The following FOXN2 variants were observed in gnomAD, a reference collection of about 807,000 sequenced individuals.
The protein encoded by FOXN2 is forkhead box N2, also known as forkhead box protein N2.
Under a neutral mutation model 41.2 loss-of-function variants are expected in FOXN2, and 19 were observed. The ratio of observed to expected loss-of-function variants is 0.46; its 90% confidence interval spans 0.32 to 0.68. The LOEUF (loss-of-function observed/expected upper bound fraction) is 0.68. Among genes scored for constraint, FOXN2 ranks in the 30% least tolerant of loss-of-function variants. The pLI, the probability that FOXN2 is intolerant of heterozygous loss-of-function variation, is 0.03. For missense variants in FOXN2, 587 were observed against 509.4 expected (o/e 1.15, Z -1.47); for synonymous variants, 195 against 176.8 (o/e 1.10, Z -0.82).
rs375296066 is a variant in FOXN2, at chr2:48,362,614, G to T, written c.639-29G>T. ...AAAAGTGAAGTAAACATTTTTATAA[G>T]CATATTTGCTTTTCTGTTTGTTTTT... On this transcript the variant is annotated intron_variant, in intron 4 of 6. Coordinates refer to ENST00000340553, the MANE Select transcript of FOXN2 (RefSeq NM_002158.4). The T allele has an allele frequency of 3.8e-6, 6 of 1,591,996 alleles. No individual in the cohort carries two copies. The African/African-American group carries it at 8.1e-5, about 21-fold the overall frequency.
At chr2:48,354,330 G>A (rs1338994873) in intron 3 of FOXN2, among the ~76,000 whole-genome samples, 5 of 152,072 alleles carry the variant, frequency 3.3e-5, no homozygotes, top group Admixed American at 6.6e-5. Context: ...GGCTGGGCGC[G>A]GTGGCTCACA....
chr2:48,368,796 G>C (rs763549071), intron 5 of FOXN2, among the ~76,000 whole-genome samples: 1 of 152,184 alleles, frequency 6.6e-6, no homozygotes, highest in Admixed American at 6.5e-5. Flanking sequence ...GTTCAAGACT[G>C]TACCTTGGAC....
intron 2 of FOXN2, among the ~76,000 whole-genome samples, 158 bp from the exon 3 acceptor site, chr2:48,346,043 C>G (rs143460713): frequency 6.6e-6 from 1 of 152,158 alleles, no homozygotes; most frequent in Non-Finnish European, 1.5e-5. Flanking sequence ...GTATTATAAC[C>G]ATTAGTATCT....
At chr2:48,361,146 A>G (rs1672150213) in intron 4 of FOXN2, among the ~76,000 whole-genome samples, 1 of 152,158 alleles carries the variant, frequency 6.6e-6, no homozygotes, top group Non-Finnish European at 1.5e-5. Flanking sequence ...TTTAAATGTT[A>G]AAAGTGATCT....
intron 2 of FOXN2, among the ~76,000 whole-genome samples, chr2:48,331,806 G>GAA (rs771007828): frequency 1.0e-5 from 1 of 97,858 alleles, no homozygotes; most frequent in Non-Finnish European, 2.1e-5. Context: ...GACAGAACCA[G>GAA]AAAAAAAAAA....
At chr2:48,348,791 G>C (rs114655278) in intron 3 of FOXN2, among the ~76,000 whole-genome samples, 1,691 of 152,330 alleles carry the variant, frequency 0.011, 36 homozygotes, top group African/African-American at 0.039. Context: ...AGCAATAGAT[G>C]ACTTTTTTGT....
rs1673203138 is a variant in FOXN2, at chr2:48,375,597, A to G, written c.*154A>G. Reference sequence around the variant, plus strand: ...GTTTTTGGTTTTTAAAATTTTTATTAAACAATTGCTGTTAGGATCATGCCT... The same window carrying G: ...GTTTTTGGTTTTTAAAATTTTTATTGAACAATTGCTGTTAGGATCATGCCT... On this transcript the variant is annotated 3_prime_UTR_variant, in exon 7 of 7. Transcript: ENST00000340553. 2.9e-6 allele frequency: 2 copies of G among 694,638 alleles called. No homozygotes were observed. Among genetic ancestry groups the G allele is most frequent in the East Asian group, 2.7e-5 (1 of 36,530 alleles). The allele number at this position is 694,638 out of a possible 1,614,324, so 43.0% of individuals were successfully genotyped here. A position where few individuals can be genotyped will look rare whatever the true frequency, so the allele number is the denominator to read the frequency against.
intron 2 of FOXN2, among the ~76,000 whole-genome samples, chr2:48,336,149 A>G (rs1558618754): frequency 6.6e-6 from 1 of 152,138 alleles, no homozygotes; most frequent in Non-Finnish European, 1.5e-5. Context: ...CACGCCTGTG[A>G]TACCAGCACT....
intron 2 of FOXN2, among the ~76,000 whole-genome samples, chr2:48,344,779 G>T (rs549529156): frequency 6.6e-6 from 1 of 151,044 alleles, no homozygotes; most frequent in African/African-American, 2.4e-5. Context: ...AAATTAGCCG[G>T]TTTTCAGAAT....
chr2:48,356,351 G>A (rs927950420), intron 3 of FOXN2, among the ~76,000 whole-genome samples: 1 of 151,138 alleles, frequency 6.6e-6, no homozygotes, highest in Non-Finnish European at 1.5e-5. Flanking sequence ...TGAGGCAAGG[G>A]AATCGTCCGA....
chr2:48,335,779 G>A (rs1670300384), intron 2 of FOXN2, among the ~76,000 whole-genome samples: 1 of 152,076 alleles, frequency 6.6e-6, no homozygotes, highest in South Asian at 2.1e-4. Context: ...TGTAATCCCA[G>A]CACTTTGGGA....
chr2:48,360,795 T>G (rs1354301509), intron 4 of FOXN2, among the ~76,000 whole-genome samples: 1 of 151,568 alleles, frequency 6.6e-6, no homozygotes, highest in African/African-American at 2.4e-5. Context: ...GTTGGGTTTT[T>G]TTTTTTTTTT....
intron 2 of FOXN2, among the ~76,000 whole-genome samples, chr2:48,340,181 A>G (rs918665083): frequency 6.6e-6 from 1 of 152,218 alleles, no homozygotes; most frequent in Non-Finnish European, 1.5e-5. Flanking sequence ...TTTTGTGTTT[A>G]GTAGGTTTCT....
chr2:48,321,482 G>A (rs1018828299), intron 1 of FOXN2, among the ~76,000 whole-genome samples: 17 of 152,270 alleles, frequency 1.1e-4, no homozygotes, highest in African/African-American at 4.1e-4. Context: ...CTTGCAGTGA[G>A]CCGAGATTGC....
At chr2:48,318,032 T>A (rs1017185655) in intron 1 of FOXN2, among the ~76,000 whole-genome samples, 6 of 152,208 alleles carry the variant, frequency 3.9e-5, no homozygotes, top group Non-Finnish European at 7.3e-5. Context: ...TTGATCCATA[T>A]ATACTTTATT....
Position 48,346,480 on chromosome 2 carries a change from A to G in FOXN2, c.266A>G (p.Glu89Gly), listed in dbSNP as rs751353601. ...LPIVSPLYDI[E>G]GDDVPSFGPA... ...ATTGTTAGTCCATTGTATGACATAG[A>G]GGGAGATGATGTGCCATCCTTTGGA... is the stretch of plus-strand genomic sequence containing the variant. The change falls in exon 3 of 7, where the codon GAG becomes GGG. Residue 89 changes from glutamate (E) to glycine (G), a missense_variant. Transcript: ENST00000340553. The G allele has an allele frequency of 1.1e-5, 17 of 1,614,024 alleles. No homozygotes were observed. Among genetic ancestry groups the G allele is most frequent in the Non-Finnish European group, 1.4e-5 (17 of 1,180,018 alleles).
intron 2 of FOXN2, among the ~76,000 whole-genome samples, chr2:48,331,642 A>T (rs190492430): frequency 2.0e-5 from 3 of 152,172 alleles, no homozygotes; most frequent in Admixed American, 2.0e-4. Context: ...ACATAAGGAG[A>T]CGCTGCCTCT....
intron 3 of FOXN2, among the ~76,000 whole-genome samples, chr2:48,348,402 A>G (rs1195342859): frequency 6.6e-6 from 1 of 152,204 alleles, no homozygotes; most frequent in East Asian, 1.9e-4. Flanking sequence ...TGTCTCTGCT[A>G]AAATTCCCCA....
At position 48,329,010 on chromosome 2, in the gene FOXN2, A is replaced by G. The variant is rs541696584; in HGVS notation, c.-15+308A>G. On this transcript the variant is annotated intron_variant, in intron 2 of 6. Transcript: ENST00000340553. The stretch of plus-strand genomic sequence containing the variant: ...TTTTTCTTAAAACAGTTTTTACTCA[A>G]TTTAGATCTTTTGTGGTACTGCTTT... Among the ~76,000 whole-genome samples, 13 of 152,188 alleles carry G rather than the reference A, an allele frequency of 8.5e-5. No homozygotes were observed. The South Asian group carries it at 2.1e-3, about 24-fold the overall frequency.
Sources: allele counts gnomAD v4.1 joint callset (sites outside exome capture counted in the v4.1 genomes callset), GRCh38; gene constraint gnomAD v4.1.1; transcripts MANE v1.5; gene names NCBI Gene and HGNC (gene_info 2026-07-23, HGNC 2026-07-21).